The following SLMAP variants were observed in gnomAD, a reference collection of about 807,000 sequenced individuals.
SLMAP encodes sarcolemma associated protein, also known as sarcolemmal membrane-associated protein.
Under a neutral mutation model 128.8 loss-of-function variants are expected in SLMAP, and 44 were observed. That is an observed-to-expected ratio of 0.34 (90% CI 0.27 to 0.44). The LOEUF (loss-of-function observed/expected upper bound fraction) is 0.44, where lower values mean the gene tolerates loss of function less well. Among genes scored for constraint, SLMAP ranks in the 20% least tolerant of loss-of-function variants. The probability of loss-of-function intolerance (pLI) is 1.00; values close to 1 mark genes in which losing one functional copy is unlikely to be tolerated. For missense variants in SLMAP, 787 were observed against 985.3 expected (o/e 0.80, Z 2.69); for synonymous variants, 327 against 348.8 (o/e 0.94, Z 0.70).
chr3:57,780,966 A>G (rs2082914300), intron 2 of SLMAP, among the ~76,000 whole-genome samples: 2 of 151,724 alleles, frequency 1.3e-5, no homozygotes, highest in Non-Finnish European at 2.9e-5. Flanking sequence ...ATAGAATAAG[A>G]TATATACATA....
At chr3:57,793,337 G>A (rs955072329) in intron 2 of SLMAP, among the ~76,000 whole-genome samples, 7 of 152,074 alleles carry the variant, frequency 4.6e-5, no homozygotes, top group Admixed American at 1.3e-4. Flanking sequence ...TTCATTTCTA[G>A]ATATGAATTT....
intron 13 of SLMAP, among the ~76,000 whole-genome samples, chr3:57,869,685 AATG>A (rs1181329752): frequency 2.3e-5 from 3 of 132,100 alleles, no homozygotes; most frequent in African/African-American, 5.6e-5. Context: ...AACAAATTCT[AATG>A]ATCTATTTTG....
chr3:57,852,048 C>T (rs1383196362), intron 6 of SLMAP, among the ~76,000 whole-genome samples: 1 of 151,316 alleles, frequency 6.6e-6, no homozygotes, highest in African/African-American at 2.4e-5. Context: ...GTAGCTGGGA[C>T]TACAGGCATG....
chr3:57,920,735 C>T (rs1417958496), intron 22 of SLMAP, among the ~76,000 whole-genome samples: 3 of 152,102 alleles, frequency 2.0e-5, no homozygotes, highest in Non-Finnish European at 4.4e-5. Context: ...CAGAATAGGG[C>T]CGGGTGCGGT....
At chr3:57,862,966 C>G (rs1229199596) in intron 10 of SLMAP, among the ~76,000 whole-genome samples, 3 of 152,134 alleles carry the variant, frequency 2.0e-5, no homozygotes, top group Admixed American at 2.0e-4. Flanking sequence ...GTAGTCAGTG[C>G]TTCACAATAG....
At chr3:57,825,717 A>G (rs2092877242) in intron 2 of SLMAP, among the ~76,000 whole-genome samples, 1 of 152,032 alleles carries the variant, frequency 6.6e-6, no homozygotes, top group Admixed American at 6.6e-5. Context: ...AAATTAGACA[A>G]AATAATTTGT....
chr3:57,838,729 A>G (rs1422660399), intron 3 of SLMAP, among the ~76,000 whole-genome samples: 2 of 152,304 alleles, frequency 1.3e-5, no homozygotes, highest in Middle Eastern at 6.8e-3. Context: ...CATGCAGGCG[A>G]GAGGATAAAA....
intron 14 of SLMAP, among the ~76,000 whole-genome samples, chr3:57,887,235 AT>A (rs1327302890): frequency 0.03 from 4,211 of 141,256 alleles, 148 homozygotes; most frequent in African/African-American, 0.092. Context: ...AAGCCATGAG[AT>A]TTTTTTTTTT....
chr3:57,833,969 CT>C (rs1305724399), intron 3 of SLMAP, among the ~76,000 whole-genome samples: 2 of 152,080 alleles, frequency 1.3e-5, no homozygotes, highest in East Asian at 3.9e-4. Flanking sequence ...CTAAACAGTG[CT>C]GTGATAACTT....
chr3:57,779,975 T>TTTATTTTTA (rs1398591230), intron 2 of SLMAP, among the ~76,000 whole-genome samples: 128 of 152,098 alleles, frequency 8.4e-4, no homozygotes, highest in African/African-American at 3.1e-3. Flanking sequence ...TATGCTTATA[T>TTTATTTTTA]TTATTTTTAT....
intron 2 of SLMAP, among the ~76,000 whole-genome samples, chr3:57,794,284 A>G (rs7613783): frequency 0.017 from 2,577 of 152,128 alleles, 65 homozygotes; most frequent in African/African-American, 0.059. Flanking sequence ...TGGCATTTCT[A>G]TCTTTGTCTC....
chr3:57,904,977 G>T (rs2096491274), intron 17 of SLMAP, among the ~76,000 whole-genome samples: 1 of 152,106 alleles, frequency 6.6e-6, no homozygotes, highest in African/African-American at 2.4e-5. Context: ...TGAGGAAGGG[G>T]GATAGCTTGA....
intron 2 of SLMAP, among the ~76,000 whole-genome samples, chr3:57,830,644 G>T (rs1378908456): frequency 6.6e-6 from 1 of 152,128 alleles, no homozygotes; most frequent in Non-Finnish European, 1.5e-5. Flanking sequence ...TTACCCAAGT[G>T]ATGAGAAGCA....
At chr3:57,804,893 C>G (rs1458963862) in intron 2 of SLMAP, among the ~76,000 whole-genome samples, 3 of 152,106 alleles carry the variant, frequency 2.0e-5, no homozygotes, top group African/African-American at 7.2e-5. Context: ...GTCTTTTGTA[C>G]TCTAGATTGA....
chr3:57,757,926 G>A (rs547051797), intron 2 of SLMAP, 77 bp downstream of exon 2: 3 of 1,267,248 alleles, frequency 2.4e-6, no homozygotes, highest in South Asian at 1.3e-5. Context: ...GAGGACTAAT[G>A]TATGCAGGAT....
At chr3:57,784,885 TTGCTCTCCCCTTCTCTTG>T (rs2083777699) in intron 2 of SLMAP, among the ~76,000 whole-genome samples, 1 of 152,172 alleles carries the variant, frequency 6.6e-6, no homozygotes. Flanking sequence ...CTGTCCTGTC[TTGCTCTCCCCTTCTCTTG>T]TGCTCTCTTA....
intron 2 of SLMAP, among the ~76,000 whole-genome samples, chr3:57,777,678 A>G (rs772493807): frequency 3.9e-5 from 6 of 152,246 alleles, no homozygotes; most frequent in Non-Finnish European, 7.3e-5. Context: ...GAAAATAGAA[A>G]TAAGTTGTTT....
chr3:57,756,534 G>A lies in SLMAP; in HGVS notation c.-1104-14G>A, dbSNP rs1384817446. 4 of 152,496 alleles carry A rather than the reference G, an allele frequency of 2.6e-5. No homozygotes were observed. The highest frequency in any genetic ancestry group is 2.1e-4 in the South Asian group (1 of 4,852). The allele number at this position is 152,496 out of a possible 1,614,324, so 9.4% of individuals were successfully genotyped here. A position where few individuals can be genotyped will look rare whatever the true frequency, so the allele number is the denominator to read the frequency against. ...GCGCCTGACGGCCGTTTGTTTTGAT[G>A]TTTTCCCCACCAGGTCGGAAAGTTT... On this transcript the variant is annotated splice_polypyrimidine_tract_variant and intron_variant, in intron 1 of 24. Coordinates refer to ENST00000671191, the MANE Select transcript of SLMAP (RefSeq NM_001377540.1).
chr3:57,913,621 A>G (rs2096745847), intron 21 of SLMAP, among the ~76,000 whole-genome samples: 1 of 152,162 alleles, frequency 6.6e-6, no homozygotes, highest in Non-Finnish European at 1.5e-5. Flanking sequence ...CACACCAGTG[A>G]TCTCTTCTTT....
Sources: gnomAD v4.1 joint callset for allele counts (sites outside exome capture counted in the v4.1 genomes callset) on GRCh38, gnomAD v4.1.1 for gene constraint, MANE v1.5 for transcripts, NCBI Gene and HGNC (gene_info 2026-07-23, HGNC 2026-07-21) for gene names.